The following SCRN1 variants were observed in gnomAD, a reference collection of about 807,000 sequenced individuals.
SCRN1 encodes the protein secernin-1.
SCRN1 carries 19 observed loss-of-function variants against 43.3 expected under a neutral mutation model. The observed-to-expected ratio is 0.44, with a 90% CI of 0.31 to 0.64. The LOEUF (loss-of-function observed/expected upper bound fraction) is 0.64, where lower values mean the gene tolerates loss of function less well. Ranked by LOEUF, SCRN1 falls within the 30% of genes least tolerant of loss-of-function variation. The pLI is 0.09. For missense variants in SCRN1, 447 were observed against 524.1 expected (o/e 0.85, Z 1.44); for synonymous variants, 183 against 188.9 (o/e 0.97, Z 0.26).
rs1171979722 is a variant in SCRN1 at position 29,989,731 on chromosome 7, C to T, written c.-91G>A. 2 of 986,042 alleles carry T rather than the reference C, an allele frequency of 2.0e-6. No individual in the cohort carries two copies. The highest frequency in any genetic ancestry group is 1.7e-5 in the African/African-American group (1 of 57,240). The allele number at this position is 986,042 out of a possible 1,614,324, so 61.1% of individuals were successfully genotyped here. A position where few individuals can be genotyped will look rare whatever the true frequency, so the allele number is the denominator to read the frequency against. On this transcript the variant is annotated 5_prime_UTR_variant, in exon 1 of 8. Transcript: ENST00000242059. ...TGCGGGTGCTGCCGGGTCCGGATTA[C>T]TGCGGCGACCTCGGGGGCTGCAGCT...
rs766528189 is a variant in SCRN1, at chr7:29,936,516, G to A, written c.905+40C>T. 5 of 1,475,212 alleles carry A rather than the reference G, an allele frequency of 3.4e-6. No homozygotes were observed. The South Asian group carries it at 5.9e-5, about 17-fold the overall frequency. 91.4% of individuals were successfully genotyped at this position (1,475,212 alleles called of 1,614,324 possible). ...CTTGCTGAATGAGCTTTCAAGGGAA[G>A]CACTTATGTTCTGCCTACGTGACCA... On this transcript the variant is annotated intron_variant, in intron 6 of 7. Transcript: ENST00000242059.
At chr7:29,959,387 G>A (rs771053503) in intron 2 of SCRN1, among the ~76,000 whole-genome samples, 1 of 151,992 alleles carries the variant, frequency 6.6e-6, no homozygotes, top group Non-Finnish European at 1.5e-5. Context: ...ATCACTGAGG[G>A]TTTTTTATTT....
chr7:29,931,164 A>G (rs944761954), intron 6 of SCRN1, among the ~76,000 whole-genome samples: 5 of 152,258 alleles, frequency 3.3e-5, no homozygotes, highest in Non-Finnish European at 7.3e-5. Context: ...CAGCATGCCA[A>G]TGCAAAAAAA....
At position 29,989,500 on chromosome 7, in the gene SCRN1, G is replaced by GGA. The variant is rs1298887072; in HGVS notation, c.-2+140_-2+141dup. 5.2e-6 allele frequency: 5 copies of GGA among 965,502 alleles called. No homozygotes were observed. The African/African-American group carries it at 7.0e-5, about 14-fold the overall frequency. The allele number at this position is 965,502 out of a possible 1,614,324, so 59.8% of individuals were successfully genotyped here. ...TCCCAGCCCGCCCGGGCCAGCACCG[G>GGA]GAATCGGCCTGGGGTAACGCTACCC... On this transcript the variant is annotated intron_variant, in intron 1 of 7. Coordinates refer to ENST00000242059, the MANE Select transcript of SCRN1 (RefSeq NM_014766.5).
chr7:29,927,814 A>C (rs1281212429), intron 6 of SCRN1, among the ~76,000 whole-genome samples: 2 of 152,130 alleles, frequency 1.3e-5, no homozygotes, highest in African/African-American at 2.4e-5. Flanking sequence ...AGTATGGCAC[A>C]CAGGTATGAA....
At chr7:29,966,123 G>C (rs369555814) in intron 2 of SCRN1, among the ~76,000 whole-genome samples, 4 of 148,600 alleles carry the variant, frequency 2.7e-5, no homozygotes, top group African/African-American at 9.9e-5. Context: ...GAGACACACA[G>C]AGAGAGAGAG....
At chr7:29,978,807 C>T (rs1788908406) in intron 1 of SCRN1, among the ~76,000 whole-genome samples, 1 of 152,186 alleles carries the variant, frequency 6.6e-6, no homozygotes, top group Non-Finnish European at 1.5e-5. Context: ...CTAATTTTAC[C>T]TTTTGGCCAC....
intron 1 of SCRN1, among the ~76,000 whole-genome samples, chr7:29,970,471 A>G (rs1216525069): frequency 1.3e-5 from 2 of 152,146 alleles, no homozygotes; most frequent in African/African-American, 2.4e-5. Context: ...TGTACTATAC[A>G]CTCTCATAGA....
At chr7:29,939,822 G>A (rs892047595) in intron 5 of SCRN1, among the ~76,000 whole-genome samples, 19 of 152,028 alleles carry the variant, frequency 1.2e-4, no homozygotes, top group African/African-American at 2.9e-4. Flanking sequence ...CTATCTAGTC[G>A]CCACATATAC....
At chr7:29,938,431 C>A (rs1787414627) in intron 5 of SCRN1, among the ~76,000 whole-genome samples, 1 of 152,194 alleles carries the variant, frequency 6.6e-6, no homozygotes, top group Admixed American at 6.5e-5. Flanking sequence ...GGAACAGGGC[C>A]CCTGAAATCT....
intron 1 of SCRN1, among the ~76,000 whole-genome samples, chr7:29,970,370 C>G (rs1486592702): frequency 6.6e-6 from 1 of 152,180 alleles, no homozygotes; most frequent in Admixed American, 6.5e-5. Flanking sequence ...ACTCCCTTCC[C>G]TGCTTCCTGT....
At chr7:29,929,891 G>GT (rs1454345820) in intron 6 of SCRN1, among the ~76,000 whole-genome samples, 1 of 152,210 alleles carries the variant, frequency 6.6e-6, no homozygotes, top group African/African-American at 2.4e-5. Flanking sequence ...TCTATGTGAT[G>GT]TAACTTTAAA....
chr7:29,981,509 T>C (rs1316081568), intron 1 of SCRN1, among the ~76,000 whole-genome samples: 1 of 152,228 alleles, frequency 6.6e-6, no homozygotes, highest in Non-Finnish European at 1.5e-5. Context: ...AATTAAGCAC[T>C]TGGAGATTTA....
chr7:29,943,942 G>C, intron 4 of SCRN1, 35 bp downstream of exon 4: 3 of 1,604,748 alleles, frequency 1.9e-6, no homozygotes, highest in Non-Finnish European at 2.6e-6. Flanking sequence ...GGCCTTCCCT[G>C]TCCTCAGAAC....
chr7:29,927,712 C>T (rs1037389432), intron 6 of SCRN1, among the ~76,000 whole-genome samples: 3 of 152,218 alleles, frequency 2.0e-5, no homozygotes, highest in Admixed American at 1.3e-4. Context: ...TGGCCCACCT[C>T]GGGTACCTCA....
chr7:29,989,812 G>C (rs1049313570), upstream of SCRN1: 4 of 990,642 alleles, frequency 4.0e-6, no homozygotes, highest in African/African-American at 7.0e-5. Context: ...CCGGCGCTGG[G>C]GCCCGCCGCC....
intron 6 of SCRN1, among the ~76,000 whole-genome samples, chr7:29,930,303 A>G (rs1442909257): frequency 6.6e-6 from 1 of 152,256 alleles, no homozygotes; most frequent in Admixed American, 6.5e-5. Flanking sequence ...TTCAGGTTTC[A>G]TCATTTGTGT....
chr7:29,944,311 A>C (rs1311295879), intron 3 of SCRN1, 132 bp from the exon 4 acceptor site: 1 of 733,806 alleles, frequency 1.4e-6, no homozygotes, highest in Non-Finnish European at 2.3e-6. Context: ...TCTGCAGAAC[A>C]ATAAGCAAAC....
chr7:29,955,130 A>C, intron 3 of SCRN1, 49 bp downstream of exon 3: 1 of 1,543,734 alleles, frequency 6.5e-7, no homozygotes, highest in South Asian at 1.2e-5. Flanking sequence ...TCCTGTCCCC[A>C]TTTCCAACCT....
Sources: allele counts gnomAD v4.1 joint callset (sites outside exome capture counted in the v4.1 genomes callset), GRCh38; gene constraint gnomAD v4.1.1; transcripts MANE v1.5; gene names NCBI Gene and HGNC (gene_info 2026-07-23, HGNC 2026-07-21).